FMO2: variants seen among roughly 807,000 people sequenced by gnomAD.
FMO2 encodes the protein flavin-containing monooxygenase 2.
Under a neutral mutation model 41.6 loss-of-function variants are expected in FMO2, and 33 were observed. The ratio of observed to expected loss-of-function variants is 0.79; its 90% confidence interval spans 0.60 to 1.06. The LOEUF (loss-of-function observed/expected upper bound fraction) is 1.06. Ranked by LOEUF, FMO2 falls within the 50% of genes least tolerant of loss-of-function variation. The probability of loss-of-function intolerance (pLI) is 0.00; values close to 1 mark genes in which losing one functional copy is unlikely to be tolerated. For missense variants in FMO2, 619 were observed against 632.9 expected (o/e 0.98, Z 0.23); for synonymous variants, 214 against 219.6 (o/e 0.97, Z 0.23).
chr1:171,193,561 G>T (rs750290912), intron 3 of FMO2, 38 bp downstream of exon 3: 1 of 1,292,808 alleles, frequency 7.7e-7, no homozygotes, highest in Non-Finnish European at 1.1e-6. Context: ...CTCTGCATTA[G>T]TTCAGCTCAT....
At position 171,203,926 on chromosome 1, in the gene FMO2, C is replaced by G. The variant is rs144453031; in HGVS notation, c.689C>G (p.Pro230Arg). The change falls in exon 6 of 9, where the codon CCT (proline) becomes CGT (arginine). Residue 230 changes from proline to arginine, a missense_variant. Pro to Arg is a moderately radical substitution (Grantham distance 103, BLOSUM62 -2). Transcript: ENST00000209929. ...VMSRISEDGY[P>R]WDSVFHTRFR... ...AGCCGTATCTCTGAAGATGGCTATC[C>G]TTGGGACTCAGTGTTCCACACCCGG... The G allele has an allele frequency of 6.2e-6, 10 of 1,613,582 alleles. No individual in the cohort carries two copies. The South Asian group carries it at 9.9e-5, about 16-fold the overall frequency.
Position 171,185,664 on chromosome 1 carries a change from G to A in FMO2, c.-6-44G>A, listed in dbSNP as rs372455133. ...AGCACATCATAAGGATTCTCTTACC[G>A]GTTGTCCCAGTTAAGTAATGTTGAT... On this transcript the variant is annotated intron_variant, in intron 1 of 8. Coordinates refer to ENST00000209929, the MANE Select transcript of FMO2 (RefSeq NM_001460.5). 18 of 1,604,674 alleles carry A rather than the reference G, an allele frequency of 1.1e-5. 1 individual carries two copies. The highest frequency in any genetic ancestry group is 4.5e-5 in the East Asian group (2 of 44,786).
At chr1:171,208,310 TC>T (rs1483543784) in intron 8 of FMO2, among the ~76,000 whole-genome samples, 1 of 152,196 alleles carries the variant, frequency 6.6e-6, no homozygotes, top group Non-Finnish European at 1.5e-5. Context: ...GGGGCTTACA[TC>T]AGGTGTAAAG....
intron 2 of FMO2, among the ~76,000 whole-genome samples, chr1:171,189,901 T>C (rs1409118543): frequency 6.6e-6 from 1 of 152,118 alleles, no homozygotes; most frequent in Non-Finnish European, 1.5e-5. Flanking sequence ...TTTAATCATA[T>C]TCAATTCAAG....
chr1:171,208,026 A>C (rs1267471374), intron 8 of FMO2, among the ~76,000 whole-genome samples: 1 of 152,200 alleles, frequency 6.6e-6, no homozygotes, highest in Non-Finnish European at 1.5e-5. Context: ...GAATTGTACC[A>C]AATCAGAGCA....
intron 2 of FMO2, among the ~76,000 whole-genome samples, chr1:171,191,860 CAAAAAA>C (rs61114452): frequency 5.4e-5 from 4 of 73,766 alleles, no homozygotes; most frequent in Admixed American, 2.8e-4. Flanking sequence ...CTCATCTCTA[CAAAAAA>C]AAAAAAAAAA....
intron 4 of FMO2, 200 bp from the exon 5 acceptor site, chr1:171,199,146 G>C (rs906065250): frequency 5.5e-5 from 24 of 438,006 alleles, no homozygotes; most frequent in African/African-American, 4.5e-4. Flanking sequence ...CAATCAACCT[G>C]CCTAGGCCTC....
chr1:171,196,707 T>C lies in FMO2; in HGVS notation c.380T>C (p.Val127Ala). 1.2e-6 allele frequency: 2 copies of C among 1,613,522 alleles called. No homozygotes were observed. The highest frequency in any genetic ancestry group is 4.5e-5 in the East Asian group (2 of 44,872). The change falls in exon 4 of 9, where the codon GTT becomes GCT. Residue 127 changes from valine to alanine, a missense_variant. By Grantham distance (64) the Val-to-Ala change is moderately conservative. Coordinates refer to ENST00000209929, the MANE Select transcript of FMO2 (RefSeq NM_001460.5). ...TTCTCATCCTCTGGCCAATGGAAGG[T>C]TGTCACTCAGAGCAACGGCAAGGAG... ...PDFSSSGQWK[V>A]VTQSNGKEQS...
In FMO2 at chr1:171,199,274, T is replaced by C. The variant is rs945971381; in HGVS notation, c.485-72T>C. 3.6e-6 allele frequency: 5 copies of C among 1,370,130 alleles called. No individual in the cohort carries two copies. The African/African-American group carries it at 7.4e-5, about 20-fold the overall frequency. 84.9% of individuals were successfully genotyped at this position (1,370,130 alleles called of 1,614,324 possible). On this transcript the variant is annotated intron_variant, in intron 4 of 8. Transcript: ENST00000209929. Reference sequence around the variant, plus strand: ...AACTCCAGAAAGGAAAAGCTGGCAATGCAGTTTTATTGAAATTAGCTTGAC... The same window carrying C: ...AACTCCAGAAAGGAAAAGCTGGCAACGCAGTTTTATTGAAATTAGCTTGAC...
intron 5 of FMO2, among the ~76,000 whole-genome samples, chr1:171,202,092 A>G (rs1285269258): frequency 6.6e-6 from 1 of 152,132 alleles, no homozygotes; most frequent in Non-Finnish European, 1.5e-5. Context: ...GCCTGAGCCT[A>G]AATCCTCATG....
intron 4 of FMO2, among the ~76,000 whole-genome samples, chr1:171,198,336 T>C (rs1658382975): frequency 6.6e-6 from 1 of 152,080 alleles, no homozygotes; most frequent in South Asian, 2.1e-4. Flanking sequence ...TAAATTGTAT[T>C]CTAACTATTA....
chr1:171,211,454 G>C lies in FMO2; in HGVS notation c.*2309G>C, dbSNP rs957706671. 6.6e-6 allele frequency among the ~76,000 whole-genome samples: 1 copy of C among 151,760 alleles called. No homozygotes were observed. Among genetic ancestry groups the C allele is most frequent in the Non-Finnish European group, 1.5e-5 (1 of 68,018 alleles). ...TTATCACTACCCATTTAGTAGCTATGGTTGTTATCTTACTTCTACAGTGGA... is the reference window on the plus strand; with the variant it reads ...TTATCACTACCCATTTAGTAGCTATCGTTGTTATCTTACTTCTACAGTGGA... On this transcript the variant is annotated 3_prime_UTR_variant, in exon 9 of 9. Coordinates refer to ENST00000209929, the MANE Select transcript of FMO2 (RefSeq NM_001460.5).
chr1:171,195,380 C>G (rs1179105099), intron 3 of FMO2, among the ~76,000 whole-genome samples: 1 of 152,164 alleles, frequency 6.6e-6, no homozygotes, highest in African/African-American at 2.4e-5. Flanking sequence ...GGGGTAAGTT[C>G]TGAAATTCTG....
In FMO2 at chr1:171,205,385, A is replaced by G. The variant is rs149890603; in HGVS notation, c.934A>G (p.Ile312Val). Residue 312 changes from isoleucine to valine, a missense_variant, in exon 7 of 9, where the codon ATC becomes GTC. Transcript: ENST00000209929. The stretch of plus-strand genomic sequence containing the variant: ...GAAAGAGCTCACAGAAACTTCTGCC[A>G]TCTTTGAGGATGGAACAGTGGAGGA... ...TVKELTETSA[I>V]FEDGTVEENI... 6 of 1,613,786 alleles carry G rather than the reference A, an allele frequency of 3.7e-6. No homozygotes were observed. The African/African-American group carries it at 4.0e-5, about 11-fold the overall frequency.
chr1:171,205,694 TGATAAGAAGGTTGCCTGA>T, intron 7 of FMO2, 60 bp downstream of exon 7: 1 of 1,177,152 alleles, frequency 8.5e-7, no homozygotes, highest in Non-Finnish European at 1.2e-6. Context: ...TTATCAATAA[TGATAAGAAGGTTGCCTGA>T]GATAAAAAGG....
At chr1:171,190,053 C>G (rs1443374397) in intron 2 of FMO2, among the ~76,000 whole-genome samples, 3 of 152,042 alleles carry the variant, frequency 2.0e-5, no homozygotes, top group Non-Finnish European at 4.4e-5. Flanking sequence ...TGGTAAGGGT[C>G]AATATAATGA....
At position 171,209,022 on chromosome 1, in the gene FMO2, A is replaced by G; in HGVS notation, c.1485A>G (p.Ile495Met). 7.0e-7 allele frequency: 1 copy of G among 1,436,234 alleles called. No individual in the cohort carries two copies. The highest frequency in any genetic ancestry group is 1.9e-5 in the Admixed American group (1 of 51,940). 89.0% of individuals were successfully genotyped at this position (1,436,234 alleles called of 1,614,324 possible). The change falls in exon 9 of 9, where the codon ATA (isoleucine) becomes ATG (methionine). Residue 495 changes from isoleucine (I) to methionine (M), a missense_variant. Ile to Met is a conservative substitution (Grantham distance 10, BLOSUM62 1). Transcript: ENST00000209929. ...RNAIFTQKQRILKPLKTRALK... is the reference protein window; with the variant it reads ...RNAIFTQKQRMLKPLKTRALK... ...CCATCTTCACCCAGAAACAAAGAAT[A>G]CTGAAGCCACTCAAGACTCGGGCCC...
At chr1:171,205,203 AC>A (rs1658703264) in intron 6 of FMO2, 75 bp from the exon 7 acceptor site, 1 of 863,502 alleles carries the variant, frequency 1.2e-6, no homozygotes, top group Non-Finnish European at 1.8e-6. Context: ...TCAGAGCCGT[AC>A]CCCAAAAATA....
chr1:171,194,972 A>G (rs7556029), intron 3 of FMO2, among the ~76,000 whole-genome samples: 20,934 of 152,214 alleles, frequency 0.14, 1,502 homozygotes, highest in South Asian at 0.15. Context: ...ACTTGTGAAT[A>G]ACAGATTATG....
Sources: allele counts gnomAD v4.1 joint callset (sites outside exome capture counted in the v4.1 genomes callset), GRCh38; gene constraint gnomAD v4.1.1; transcripts MANE v1.5; gene names NCBI Gene and HGNC (gene_info 2026-07-23, HGNC 2026-07-21).